Variants in GLRX3 observed in about 807,000 individuals in gnomAD.
GLRX3 encodes glutaredoxin-3.
Under a neutral mutation model 49.5 loss-of-function variants are expected in GLRX3, and 22 were observed. The observed-to-expected ratio is 0.44, with a 90% confidence interval of 0.32 to 0.63. The LOEUF (loss-of-function observed/expected upper bound fraction) is 0.63, where lower values mean the gene tolerates loss of function less well. GLRX3 is among the 30% of genes least tolerant of loss of function. The probability of loss-of-function intolerance (pLI) is 0.05; values close to 1 mark genes in which losing one functional copy is unlikely to be tolerated. For synonymous variants in GLRX3, 133 were observed against 140.0 expected (o/e 0.95, Z 0.35); for missense variants, 385 against 396.3 (o/e 0.97, Z 0.24).
At chr10:130,142,052 G>GC (rs1158425154) in intron 1 of GLRX3, among the ~76,000 whole-genome samples, 1 of 152,134 alleles carries the variant, frequency 6.6e-6, no homozygotes, top group Non-Finnish European at 1.5e-5. Flanking sequence ...TGGACCTGAG[G>GC]CCCCACCTAC....
intron 8 of GLRX3, among the ~76,000 whole-genome samples, chr10:130,173,633 T>C (rs1269115123): frequency 6.6e-6 from 1 of 152,214 alleles, no homozygotes; most frequent in South Asian, 2.1e-4. Flanking sequence ...TTGGGCCCAG[T>C]GCTTCCTGGA....
At chr10:130,141,637 G>A (rs1862177040) in intron 1 of GLRX3, among the ~76,000 whole-genome samples, 1 of 152,220 alleles carries the variant, frequency 6.6e-6, no homozygotes, top group Admixed American at 6.5e-5. Flanking sequence ...CATTGCTCAT[G>A]TCTGTGGTTG....
At chr10:130,155,065 G>A (rs951701098) in intron 2 of GLRX3, among the ~76,000 whole-genome samples, 1 of 152,014 alleles carries the variant, frequency 6.6e-6, no homozygotes, top group African/African-American at 2.4e-5. Flanking sequence ...CCAAACTTCC[G>A]AGCTCAAGCA....
intron 1 of GLRX3, among the ~76,000 whole-genome samples, chr10:130,139,446 T>TG (rs970881748): frequency 3.3e-5 from 5 of 151,744 alleles, no homozygotes; most frequent in Non-Finnish European, 7.4e-5. Context: ...GAGACCATCC[T>TG]GGCTAACACG....
intron 7 of GLRX3, among the ~76,000 whole-genome samples, chr10:130,170,924 C>T (rs1034271355): frequency 7.2e-5 from 11 of 152,028 alleles, no homozygotes; most frequent in African/African-American, 1.9e-4. Context: ...GTCAAGAGAT[C>T]GAGACCATCC....
rs1862982217 is a variant in GLRX3, at chr10:130,179,338, T to G, written c.958-4T>G. On this transcript the variant is annotated splice_polypyrimidine_tract_variant and splice_region_variant and intron_variant, in intron 10 of 10. Transcript: ENST00000331244. ...ATATTATTATTGTTGTTTTTTATTT[T>G]TAGGAACTGAAAGAAAATGGTGAAT... 1 of 1,350,630 alleles carries G rather than the reference T, an allele frequency of 7.4e-7. No homozygotes were observed. Among genetic ancestry groups the G allele is most frequent in the Admixed American group, 1.9e-5 (1 of 52,586 alleles). 83.7% of individuals were successfully genotyped at this position (1,350,630 alleles called of 1,614,324 possible). A position where few individuals can be genotyped will look rare whatever the true frequency, so the allele number is the denominator to read the frequency against.
chr10:130,138,238 G>A (rs1403720386), intron 1 of GLRX3, among the ~76,000 whole-genome samples: 2 of 151,868 alleles, frequency 1.3e-5, no homozygotes, highest in South Asian at 2.1e-4. Flanking sequence ...TGTATTTTTC[G>A]TAGAGGCAGG....
chr10:130,178,204 A>G (rs1297444556), intron 10 of GLRX3, among the ~76,000 whole-genome samples: 1 of 152,138 alleles, frequency 6.6e-6, no homozygotes, highest in African/African-American at 2.4e-5. Flanking sequence ...CGGGAGGGGA[A>G]CAAGCATCAT....
chr10:130,143,639 C>T (rs1392349127), intron 1 of GLRX3, among the ~76,000 whole-genome samples: 3 of 151,942 alleles, frequency 2.0e-5, no homozygotes, highest in Non-Finnish European at 4.4e-5. Context: ...AGTAATCCTT[C>T]CACCTTAGTC....
At position 130,136,415 on chromosome 10, in the gene GLRX3, G is replaced by C. The variant is rs1455129991; in HGVS notation, c.-6G>C. Reference sequence around the variant, plus strand: ...CACTGGATTGCTTCTGTCTGGCGGCGGCAGCATGGCGGCGGGGGCGGCTGA... The same window carrying C: ...CACTGGATTGCTTCTGTCTGGCGGCCGCAGCATGGCGGCGGGGGCGGCTGA... On this transcript the variant is annotated 5_prime_UTR_variant, in exon 1 of 11. Coordinates refer to ENST00000331244, the MANE Select transcript of GLRX3 (RefSeq NM_006541.5). The C allele has an allele frequency of 1.6e-5, 20 of 1,252,878 alleles. No individual in the cohort carries two copies. Among genetic ancestry groups the C allele is most frequent in the South Asian group, 7.7e-5 (2 of 26,026 alleles). 77.6% of individuals were successfully genotyped at this position (1,252,878 alleles called of 1,614,324 possible). A position where few individuals can be genotyped will look rare whatever the true frequency, so the allele number is the denominator to read the frequency against.
chr10:130,154,881 A>G (rs1862444878), intron 2 of GLRX3, among the ~76,000 whole-genome samples: 1 of 152,250 alleles, frequency 6.6e-6, no homozygotes, highest in South Asian at 2.1e-4. Context: ...AAGTTCTGCA[A>G]AAGAAAGAAA....
intron 7 of GLRX3, among the ~76,000 whole-genome samples, chr10:130,170,088 T>C (rs1186018284): frequency 2.6e-5 from 4 of 152,254 alleles, no homozygotes; most frequent in Admixed American, 2.6e-4. Flanking sequence ...ACTAATTTTC[T>C]TTCAGATTGA....
chr10:130,151,642 ATTG>A (rs1862379079), intron 2 of GLRX3, among the ~76,000 whole-genome samples: 1 of 151,304 alleles, frequency 6.6e-6, no homozygotes, highest in Admixed American at 6.6e-5. Context: ...TGTCCTTGTG[ATTG>A]TTTGCTGAAA....
At chr10:130,165,989 A>G (rs1202975010) in intron 4 of GLRX3, among the ~76,000 whole-genome samples, 1 of 152,012 alleles carries the variant, frequency 6.6e-6, no homozygotes, top group African/African-American at 2.4e-5. Context: ...TCAGATTCAG[A>G]TTTCTGGTTT....
At chr10:130,170,516 G>GTAA (rs1862783563) in intron 7 of GLRX3, among the ~76,000 whole-genome samples, 1 of 152,058 alleles carries the variant, frequency 6.6e-6, no homozygotes, top group Non-Finnish European at 1.5e-5. Flanking sequence ...TCAGCATGTT[G>GTAA]GAAACATTAG....
At chr10:130,161,245 A>T (rs567724284) in intron 4 of GLRX3, among the ~76,000 whole-genome samples, 1 of 152,340 alleles carries the variant, frequency 6.6e-6, no homozygotes, top group South Asian at 2.1e-4. Context: ...TTTTTGTTTT[A>T]TACTGAAGTC....
intron 10 of GLRX3, among the ~76,000 whole-genome samples, chr10:130,178,425 A>AT (rs1034243890): frequency 2.2e-4 from 32 of 147,446 alleles, no homozygotes; most frequent in East Asian, 4.1e-4. Context: ...CACCTGGCTA[A>AT]TTTTTTTTTT....
chr10:130,149,665 G>T (rs1246257914), intron 2 of GLRX3, among the ~76,000 whole-genome samples: 7 of 152,002 alleles, frequency 4.6e-5, no homozygotes, highest in Non-Finnish European at 8.8e-5. Context: ...CTGGCAGAGG[G>T]GGGTGGGAGA....
At chr10:130,163,926 AC>A (rs1862631956) in intron 4 of GLRX3, among the ~76,000 whole-genome samples, 1 of 152,180 alleles carries the variant, frequency 6.6e-6, no homozygotes, top group Non-Finnish European at 1.5e-5. Context: ...CTCTGCTAAC[AC>A]CACTGAACTC....
Sources: gnomAD v4.1 joint callset for allele counts (sites outside exome capture counted in the v4.1 genomes callset) on GRCh38, gnomAD v4.1.1 for gene constraint, MANE v1.5 for transcripts, NCBI Gene and HGNC (gene_info 2026-07-23, HGNC 2026-07-21) for gene names.